The following IRF4 variants were observed in gnomAD, a reference collection of about 807,000 sequenced individuals.
IRF4 encodes interferon regulatory factor 4.
Under a neutral mutation model 55.5 loss-of-function variants are expected in IRF4, and 13 were observed. The observed-to-expected ratio is 0.23, with a 90% confidence interval of 0.15 to 0.37. The LOEUF (loss-of-function observed/expected upper bound fraction) is 0.37, where lower values mean the gene tolerates loss of function less well. Ranked by LOEUF, IRF4 falls within the 10% of genes least tolerant of loss-of-function variation. The pLI is 1.00. For synonymous variants in IRF4, 249 were observed against 240.7 expected, an observed-to-expected ratio of 1.03 and a Z score of -0.32; for missense variants, 397 against 593.8, an observed-to-expected ratio of 0.67 and a Z score of 3.44.
chr6:396,108 T>G, intron 4 of IRF4, 173 bp downstream of exon 4: 1 of 589,832 alleles, frequency 1.7e-6, no homozygotes. Context: ...CACACGGTGC[T>G]GCCATTGGTG....
At chr6:405,153 AC>A in intron 8 of IRF4, 23 bp downstream of exon 8, 1 of 1,262,590 alleles carries the variant, frequency 7.9e-7, no homozygotes, top group Non-Finnish European at 1.2e-6. Context: ...TTACACTCCT[AC>A]CATAGTGGCT....
At chr6:405,827 A>G (rs1205150455) in intron 8 of IRF4, among the ~76,000 whole-genome samples, 1 of 152,234 alleles carries the variant, frequency 6.6e-6, no homozygotes, top group African/African-American at 2.4e-5. Flanking sequence ...GATAACATGA[A>G]GCATTAATTT....
chr6:407,664 G>T lies in IRF4; in HGVS notation c.*66G>T. The T allele has an allele frequency of 2.9e-6, 4 of 1,396,868 alleles. No individual in the cohort carries two copies. Among genetic ancestry groups the T allele is most frequent in the Non-Finnish European group, 2.9e-6 (3 of 1,025,048 alleles). 86.5% of individuals were successfully genotyped at this position (1,396,868 alleles called of 1,614,324 possible). On this transcript the variant is annotated 3_prime_UTR_variant, in exon 9 of 9. Coordinates refer to ENST00000380956, the MANE Select transcript of IRF4 (RefSeq NM_002460.4). ...TTTTTTTTTTGATACGGGGATACGG[G>T]GTCTTGCTCTGTCTCCCAGGCTGGA...
Position 397,163 on chromosome 6 carries a change from C to T in IRF4, c.548C>T (p.Pro183Leu), listed in dbSNP as rs1761286820. 3 of 1,614,270 alleles carry T rather than the reference C, an allele frequency of 1.9e-6. No individual in the cohort carries two copies. Among genetic ancestry groups the T allele is most frequent in the East Asian group, 2.2e-5 (1 of 44,894 alleles). Residue 183 changes from proline (P) to leucine (L), a missense_variant, in exon 5 of 9, where the codon CCG (proline) becomes CTG (leucine). This residue lies in a region of IRF4 where 341 missense variants were observed against 548.1 expected (regional missense o/e 0.62). Transcript: ENST00000380956. ...GACCGAAGCTGGAGGGACTACGTCC[C>T]GGATCAGCCACACCCGGAAATCCCG... ...PLDRSWRDYV[P>L]DQPHPEIPYQ...
Position 393,496 on chromosome 6 carries a change from A to T in IRF4, c.216+128A>T, listed in dbSNP as rs1001111022. The T allele has an allele frequency of 3.3e-6, 2 of 612,636 alleles. No homozygotes were observed. Among genetic ancestry groups the T allele is most frequent in the Non-Finnish European group, 2.4e-6 (1 of 418,596 alleles). The allele number at this position is 612,636 out of a possible 1,614,324, so 38.0% of individuals were successfully genotyped here. A position where few individuals can be genotyped will look rare whatever the true frequency, so the allele number is the denominator to read the frequency against. On this transcript the variant is annotated intron_variant, in intron 2 of 8. Transcript: ENST00000380956. This position sits in a 1 kb window ranked among gnomAD's most constrained non-coding sequence, Gnocchi z 5.4. ...GGGCGGACGGGCGGGCGGCGGAGGC[A>T]TCAGGTGGCGTCGCCGGAGCCGCAG... is the stretch of plus-strand genomic sequence containing the variant.
In IRF4 at chr6:396,130, T is replaced by C. The variant is rs568453350; in HGVS notation, c.492+195T>C. 1.2e-5 allele frequency: 7 copies of C among 576,584 alleles called. No homozygotes were observed. In the African/African-American group the frequency reaches 1.3e-4, roughly 11 times the overall value. The allele number at this position is 576,584 out of a possible 1,614,324, so 35.7% of individuals were successfully genotyped here. A position where few individuals can be genotyped will look rare whatever the true frequency, so the allele number is the denominator to read the frequency against. On this transcript the variant is annotated intron_variant, in intron 4 of 8. Transcript: ENST00000380956. ...TGCTGCCATTGGTGTGGATTTTAAG[T>C]TGGGGAGGGTCGGGCGTGTCCGCCT...
In IRF4 at chr6:393,067, C is replaced by T. The variant is rs1353957641; in HGVS notation, c.-55-31C>T. 3.1e-6 allele frequency: 4 copies of T among 1,276,314 alleles called. No individual in the cohort carries two copies. The highest frequency in any genetic ancestry group is 2.6e-5 in the East Asian group (1 of 38,162). 79.1% of individuals were successfully genotyped at this position (1,276,314 alleles called of 1,614,324 possible). The stretch of plus-strand genomic sequence containing the variant: ...GCGGGGTGCCCGGAGTGCGGTGCCT[C>T]GTGGCTGAAGGGCAGCTCTTCTCCC... On this transcript the variant is annotated intron_variant, in intron 1 of 8. Coordinates refer to ENST00000380956, the MANE Select transcript of IRF4 (RefSeq NM_002460.4). This position sits in a 1 kb window ranked among gnomAD's most constrained non-coding sequence, Gnocchi z 5.4.
intron 7 of IRF4, 153 bp downstream of exon 7, chr6:401,930 C>G (rs1368987898): frequency 3.1e-6 from 2 of 637,538 alleles, no homozygotes; most frequent in East Asian, 5.5e-5. Flanking sequence ...CAGTAGAGAT[C>G]TTCTGTCTGG....
At position 409,845 on chromosome 6, in the gene IRF4, C is replaced by T. The variant is rs1367323975; in HGVS notation, c.*2247C>T. On this transcript the variant is annotated 3_prime_UTR_variant, in exon 9 of 9. Transcript: ENST00000380956. The stretch of plus-strand genomic sequence containing the variant: ...CACCCTGTCTTCTTAATTCTCCAAG[C>T]GGATGCTCCATTTCAATTGCTTTGT... 3.5e-5 allele frequency: 8 copies of T among 229,370 alleles called. No homozygotes were observed. In the East Asian group the frequency reaches 3.7e-4, roughly 11 times the overall value. 14.2% of individuals were successfully genotyped at this position (229,370 alleles called of 1,614,324 possible).
chr6:395,814 G>A (rs372409202), intron 3 of IRF4, 33 bp from the exon 4 acceptor site: 285 of 1,538,606 alleles, frequency 1.9e-4, no homozygotes, highest in Non-Finnish European at 2.2e-4. Flanking sequence ...CTGTTTTTAC[G>A]TTGTGCCATT....
chr6:403,516 G>A (rs1761462520), intron 7 of IRF4, among the ~76,000 whole-genome samples: 1 of 152,248 alleles, frequency 6.6e-6, no homozygotes, highest in African/African-American at 2.4e-5. Context: ...TAAGCTGGAA[G>A]GTGCACATTG....
chr6:404,704 C>T (rs898797405), intron 7 of IRF4, among the ~76,000 whole-genome samples: 3 of 152,216 alleles, frequency 2.0e-5, no homozygotes, highest in East Asian at 1.9e-4. Context: ...CTTTATCTCC[C>T]GACTTCACTG....
In IRF4 at chr6:393,912, CTCTG is replaced by C. The variant is rs1761190283; in HGVS notation, c.216+548_216+551del. ...GCTAGCTCTCTGCGGGTACTCCCACCTCTGTCTTTCTCTTTGTGTGTCTCTGTCT... is the reference window on the plus strand; with the variant it reads ...GCTAGCTCTCTGCGGGTACTCCCACCTCTTTCTCTTTGTGTGTCTCTGTCT... On this transcript the variant is annotated intron_variant, in intron 2 of 8. Transcript: ENST00000380956. The surrounding 1 kb of genome is among the most constrained non-coding windows in gnomAD (Gnocchi z 5.4). Among the ~76,000 whole-genome samples, 1 of 152,206 alleles carries C rather than the reference CTCTG, an allele frequency of 6.6e-6. No individual in the cohort carries two copies.
Position 409,985 on chromosome 6 carries a change from G to A in IRF4, c.*2387G>A. 1 of 228,976 alleles carries A rather than the reference G, an allele frequency of 4.4e-6. No homozygotes were observed. Among genetic ancestry groups the A allele is most frequent in the Non-Finnish European group, 8.7e-6 (1 of 115,366 alleles). The allele number at this position is 228,976 out of a possible 1,614,324, so 14.2% of individuals were successfully genotyped here. A position where few individuals can be genotyped will look rare whatever the true frequency, so the allele number is the denominator to read the frequency against. On this transcript the variant is annotated 3_prime_UTR_variant, in exon 9 of 9. Transcript: ENST00000380956. ...CCTCCTTTCCTATCTTTACATCTAT[G>A]TGTATGTTGACTTTTTAAAATTCTG...
chr6:392,944 C>T (rs1265677067), intron 1 of IRF4, among the ~76,000 whole-genome samples, 154 bp from the exon 2 acceptor site: 3 of 152,130 alleles, frequency 2.0e-5, no homozygotes, highest in Non-Finnish European at 4.4e-5. Flanking sequence ...CGCGAAGGTG[C>T]CTTCTTCCGG....
chr6:393,014 C>A lies in IRF4; in HGVS notation c.-55-84C>A. ...TTCGCAGCCTCAAAGACTCCGGGGC[C>A]TCGTGGTCACTGGCGCAGGGGATCG... is the stretch of plus-strand genomic sequence containing the variant. On this transcript the variant is annotated intron_variant, in intron 1 of 8. Transcript: ENST00000380956. The surrounding 1 kb of genome is among the most constrained non-coding windows in gnomAD (Gnocchi z 5.4). The A allele has an allele frequency of 1.3e-6, 1 of 775,616 alleles. No homozygotes were observed. Among genetic ancestry groups the A allele is most frequent in the South Asian group, 1.9e-5 (1 of 53,302 alleles). 48.0% of individuals were successfully genotyped at this position (775,616 alleles called of 1,614,324 possible).
At position 410,028 on chromosome 6, in the gene IRF4, C is replaced by A. The variant is rs889038418; in HGVS notation, c.*2430C>A. 4.4e-6 allele frequency: 1 copy of A among 227,888 alleles called. No individual in the cohort carries two copies. The highest frequency in any genetic ancestry group is 2.2e-5 in the African/African-American group (1 of 45,030). 14.1% of individuals were successfully genotyped at this position (227,888 alleles called of 1,614,324 possible). ...AAATTCTGAGTGATCCAGGGTATGACCTAGGGAATGAACTAGCTATGAAAT... is the reference window on the plus strand; with the variant it reads ...AAATTCTGAGTGATCCAGGGTATGAACTAGGGAATGAACTAGCTATGAAAT... On this transcript the variant is annotated 3_prime_UTR_variant, in exon 9 of 9. Coordinates refer to ENST00000380956, the MANE Select transcript of IRF4 (RefSeq NM_002460.4).
rs527988167 is a variant in IRF4 at position 392,021 on chromosome 6, C to G, written c.-56+212C>G. On this transcript the variant is annotated intron_variant, in intron 1 of 8. Transcript: ENST00000380956. ...GGCTCCAAGGCCCGCCTCCTTGGCT[C>G]TGCCCGAGCCTCCCCGCCTGCCCTC... 214 of 353,954 alleles carry G rather than the reference C, an allele frequency of 6.0e-4. 2 individuals are homozygous for G. Among genetic ancestry groups the G allele is most frequent in the South Asian group, 4.2e-3 (206 of 48,670 alleles). The allele number at this position is 353,954 out of a possible 1,614,324, so 21.9% of individuals were successfully genotyped here.
At chr6:402,711 G>A (rs1314812049) in intron 7 of IRF4, among the ~76,000 whole-genome samples, 1 of 152,188 alleles carries the variant, frequency 6.6e-6, no homozygotes, top group Non-Finnish European at 1.5e-5. Context: ...TTTTCTTTTG[G>A]TGCCCAAAGC....
Sources: allele counts gnomAD v4.1 joint callset (sites outside exome capture counted in the v4.1 genomes callset), GRCh38; gene constraint gnomAD v4.1.1; regional missense constraint gnomAD v4.1.1; non-coding constraint Gnocchi (gnomAD v3.1); transcripts MANE v1.5; gene names NCBI Gene and HGNC (gene_info 2026-07-23, HGNC 2026-07-21).